DNAH8: variants seen among roughly 807,000 people sequenced by gnomAD.
DNAH8 encodes dynein axonemal heavy chain 8.
A neutral mutation model predicts 562.1 loss-of-function variants in DNAH8; 382 were observed. That is an observed-to-expected ratio of 0.68 (90% CI 0.63 to 0.74). The LOEUF (loss-of-function observed/expected upper bound fraction) is 0.74, where lower values mean the gene tolerates loss of function less well. Among genes scored for constraint, DNAH8 ranks in the 30% least tolerant of loss-of-function variants. The pLI, the probability that DNAH8 is intolerant of heterozygous loss-of-function variation, is 0.00. For missense variants in DNAH8, 5,203 were observed against 5,620.4 expected (o/e 0.93, Z 2.37); for synonymous variants, 1,881 against 1,919.4 (o/e 0.98, Z 0.52).
chr6:38,812,467 A>G (rs1210557766), intron 24 of DNAH8, among the ~76,000 whole-genome samples: 1 of 152,202 alleles, frequency 6.6e-6, no homozygotes, highest in African/African-American at 2.4e-5. Context: ...TCTTTCTCTT[A>G]TGCCCACACA....
intron 88 of DNAH8, among the ~76,000 whole-genome samples, chr6:39,007,274 T>G (rs899327760): frequency 6.6e-6 from 1 of 152,208 alleles, no homozygotes; most frequent in East Asian, 1.9e-4. Flanking sequence ...TTAAAAGGTA[T>G]GCAAGTATAA....
rs141177832 is a variant in DNAH8, at chr6:38,782,050, T to G, written c.2259+677T>G. 1.9e-4 allele frequency among the ~76,000 whole-genome samples: 29 copies of G among 152,254 alleles called. 1 individual carries two copies. In the East Asian group the frequency reaches 5.2e-3, roughly 27 times the overall value. On this transcript the variant is annotated intron_variant, in intron 16 of 92. Transcript: ENST00000327475. ...AACAGTAGTTTTGCAAGTAATTGTA[T>G]TATTTCAGCATTATTAAATATGAAG... is the stretch of plus-strand genomic sequence containing the variant.
intron 22 of DNAH8, among the ~76,000 whole-genome samples, chr6:38,804,721 C>A (rs1771094841): frequency 6.7e-6 from 1 of 149,670 alleles, no homozygotes; most frequent in Non-Finnish European, 1.5e-5. Context: ...AGAGAACATT[C>A]CAGTCAAGCA....
In DNAH8 at chr6:38,971,601, C is replaced by G. The variant is rs1763358113; in HGVS notation, c.12461C>G (p.Thr4154Ser). Reference protein sequence around the residue: ...LAKKLKLECRTISMGQGQEVH... With the variant: ...LAKKLKLECRSISMGQGQEVH... The stretch of plus-strand genomic sequence containing the variant: ...TTCTCCTATGTTACAGAATGTAGAA[C>G]TATCTCAATGGGGCAAGGACAAGAA... The change falls in exon 83 of 93, where the codon ACT becomes AGT. Residue 4154 changes from threonine (T) to serine (S), a missense_variant. This residue lies in a region of DNAH8 where 1,399 missense variants were observed against 1,518.4 expected (regional missense o/e 0.92). Transcript: ENST00000327475. 1 of 1,583,870 alleles carries G rather than the reference C, an allele frequency of 6.3e-7. No homozygotes were observed. The highest frequency in any genetic ancestry group is 8.6e-7 in the Non-Finnish European group (1 of 1,166,340).
intron 1 of DNAH8, among the ~76,000 whole-genome samples, chr6:38,722,439 C>T (rs1346782082): frequency 6.6e-6 from 1 of 151,578 alleles, no homozygotes; most frequent in African/African-American, 2.4e-5. Context: ...TTTTTTAGCC[C>T]TAAGGCACCT....
intron 16 of DNAH8, among the ~76,000 whole-genome samples, chr6:38,782,371 C>T (rs185224515): frequency 6.6e-6 from 1 of 152,052 alleles, no homozygotes; most frequent in African/African-American, 2.4e-5. Flanking sequence ...ACCTCCGCAT[C>T]CTGGGTTCAA....
At chr6:38,956,641 A>G (rs1762263251) in intron 82 of DNAH8, among the ~76,000 whole-genome samples, 1 of 152,196 alleles carries the variant, frequency 6.6e-6, no homozygotes, top group African/African-American at 2.4e-5. Context: ...TCCCTGACCA[A>G]CTGTCTCACA....
At position 38,938,245 on chromosome 6, in the gene DNAH8, C is replaced by T. The variant is rs1425200306; in HGVS notation, c.11816+19C>T. On this transcript the variant is annotated intron_variant, in intron 78 of 92. Transcript: ENST00000327475. ...TGGCCAGGTGAGTCCTCACTACCTTCATCCAAAAGTGGTGACTTAAAAGTT... is the reference window on the plus strand; with the variant it reads ...TGGCCAGGTGAGTCCTCACTACCTTTATCCAAAAGTGGTGACTTAAAAGTT... The T allele has an allele frequency of 1.3e-6, 2 of 1,586,718 alleles. No individual in the cohort carries two copies. The highest frequency in any genetic ancestry group is 1.3e-5 in the African/African-American group (1 of 74,164).
intron 57 of DNAH8, 25 bp from the exon 58 acceptor site, chr6:38,890,627 A>G (rs775490201): frequency 8.7e-6 from 13 of 1,493,168 alleles, no homozygotes; most frequent in African/African-American, 2.8e-5. Context: ...GTAAGCTTAT[A>G]CCTTCAATCT....
chr6:38,780,339 G>C (rs79644015), intron 15 of DNAH8, among the ~76,000 whole-genome samples: 13 of 152,236 alleles, frequency 8.5e-5, no homozygotes, highest in Non-Finnish European at 1.6e-4. Context: ...TCATTGCTGA[G>C]TATGTACCCA....
At chr6:38,948,311 T>C (rs1761599272) in intron 80 of DNAH8, among the ~76,000 whole-genome samples, 1 of 152,134 alleles carries the variant, frequency 6.6e-6, no homozygotes, top group Non-Finnish European at 1.5e-5. Context: ...CTGCTTACTG[T>C]GGCTTTTTTA....
intron 24 of DNAH8, among the ~76,000 whole-genome samples, chr6:38,811,589 T>G (rs886290958): frequency 6.6e-6 from 1 of 152,236 alleles, no homozygotes; most frequent in Non-Finnish European, 1.5e-5. Flanking sequence ...AATTTTTTAT[T>G]TTTTTGGAAG....
At position 38,790,430 on chromosome 6, in the gene DNAH8, T is replaced by C. The variant is rs1216596980; in HGVS notation, c.2781+25T>C. On this transcript the variant is annotated intron_variant, in intron 20 of 92. Transcript: ENST00000327475. ...GGTATGATCTATACATTTAAAAAGC[T>C]ATCAACATATATACTCAGGATATAA... is the stretch of plus-strand genomic sequence containing the variant. 6 of 1,074,228 alleles carry C rather than the reference T, an allele frequency of 5.6e-6. No homozygotes were observed. The African/African-American group carries it at 6.4e-5, about 11-fold the overall frequency. 66.5% of individuals were successfully genotyped at this position (1,074,228 alleles called of 1,614,324 possible).
intron 80 of DNAH8, among the ~76,000 whole-genome samples, 189 bp downstream of exon 80, chr6:38,945,777 G>GT (rs775046058): frequency 4.6e-5 from 7 of 152,140 alleles, no homozygotes; most frequent in Admixed American, 1.3e-4. Flanking sequence ...CCTCTTCATA[G>GT]TTGCAGGCAA....
At chr6:38,854,613 A>G (rs542540148) in intron 41 of DNAH8, among the ~76,000 whole-genome samples, 1 of 152,280 alleles carries the variant, frequency 6.6e-6, no homozygotes, top group South Asian at 2.1e-4. Context: ...AAAGCTTATA[A>G]AATACTTTGT....
At chr6:38,749,640 C>T (rs1765254413) in intron 8 of DNAH8, among the ~76,000 whole-genome samples, 1 of 151,248 alleles carries the variant, frequency 6.6e-6, no homozygotes, top group African/African-American at 2.4e-5. Context: ...TGTCTTCAAA[C>T]ATTTGAAGGG....
At chr6:38,791,759 C>A in intron 21 of DNAH8, 85 bp downstream of exon 21, 2 of 1,427,792 alleles carry the variant, frequency 1.4e-6, no homozygotes, top group East Asian at 2.4e-5. Context: ...AAGTAGAAAC[C>A]TGGGTCAGTA....
At chr6:38,747,278 G>A (rs918167031) in intron 8 of DNAH8, among the ~76,000 whole-genome samples, 1 of 152,092 alleles carries the variant, frequency 6.6e-6, no homozygotes, top group African/African-American at 2.4e-5. Context: ...AGTTGGAGGG[G>A]AAGCAGGATA....
rs529095558 is a variant in DNAH8, at chr6:38,756,741, A to C, written c.1515+662A>C. Among the ~76,000 whole-genome samples, 19 of 144,312 alleles carry C rather than the reference A, an allele frequency of 1.3e-4. No individual in the cohort carries two copies. In the East Asian group the frequency reaches 3.8e-3, roughly 29 times the overall value. 94.7% of individuals were successfully genotyped at this position (144,312 alleles called of 152,430 possible). On this transcript the variant is annotated intron_variant, in intron 10 of 92. Coordinates refer to ENST00000327475, the MANE Select transcript of DNAH8 (RefSeq NM_001206927.2). ...TGTGTCCGTGTGTTCTCATTGTTCA[A>C]TTCCCACCTCTAAGTGAGAACATGC...
Sources: gnomAD v4.1 joint callset for allele counts (sites outside exome capture counted in the v4.1 genomes callset) on GRCh38, gnomAD v4.1.1 for gene constraint, gnomAD v4.1.1 regional missense constraint, MANE v1.5 for transcripts, NCBI Gene and HGNC (gene_info 2026-07-23, HGNC 2026-07-21) for gene names.